The following CAV3 variants were observed in gnomAD, a reference collection of about 807,000 sequenced individuals.
CAV3 encodes the protein caveolin-3.
CAV3 carries 10 observed loss-of-function variants against 13.4 expected under a neutral mutation model. The observed-to-expected ratio is 0.75, with a 90% confidence interval of 0.46 to 1.27. The LOEUF is 1.27. Among genes scored for constraint, CAV3 ranks in the 50% most tolerant of loss-of-function variants. The pLI is 0.00. For synonymous variants in CAV3, 90 were observed against 79.0 expected, an observed-to-expected ratio of 1.14 and a Z score of -0.74; for missense variants, 162 against 194.0, an observed-to-expected ratio of 0.83 and a Z score of 0.98.
intron 1 of CAV3, among the ~76,000 whole-genome samples, chr3:8,744,428 G>A (rs763431657): frequency 1.0e-4 from 15 of 148,000 alleles, no homozygotes; most frequent in Admixed American, 5.4e-4. Flanking sequence ...ACAGACACCC[G>A]CTGCCATACC....
At chr3:8,735,959 T>C (rs1707737379) in intron 1 of CAV3, among the ~76,000 whole-genome samples, 1 of 152,250 alleles carries the variant, frequency 6.6e-6, no homozygotes, top group Non-Finnish European at 1.5e-5. Flanking sequence ...ATACTGGATA[T>C]TATATTTCTA....
At chr3:8,740,963 A>G (rs1707937825) in intron 1 of CAV3, among the ~76,000 whole-genome samples, 1 of 152,228 alleles carries the variant, frequency 6.6e-6, no homozygotes, top group South Asian at 2.1e-4. Flanking sequence ...TAACACATGT[A>G]AGATACATGG....
At chr3:8,737,709 G>A (rs1575468057) in intron 1 of CAV3, among the ~76,000 whole-genome samples, 1 of 152,228 alleles carries the variant, frequency 6.6e-6, no homozygotes, top group East Asian at 1.9e-4. Flanking sequence ...TTCAGCACAG[G>A]CAATGTGCTG....
intron 1 of CAV3, chr3:8,744,763 C>A (rs1708094705): frequency 6.6e-6 from 1 of 152,270 alleles, no homozygotes; most frequent in African/African-American, 2.4e-5. Context: ...CCGTCCAACA[C>A]CCTTCAGATC....
At chr3:8,734,643 G>A (rs768766600) in intron 1 of CAV3, among the ~76,000 whole-genome samples, 25 of 152,178 alleles carry the variant, frequency 1.6e-4, no homozygotes, top group Non-Finnish European at 2.9e-4. Context: ...CTCTTCCCTC[G>A]CCTCCTGGTG....
At chr3:8,738,643 A>C (rs553016501) in intron 1 of CAV3, among the ~76,000 whole-genome samples, 3 of 152,340 alleles carry the variant, frequency 2.0e-5, no homozygotes, top group African/African-American at 7.2e-5. Flanking sequence ...GCATCATAAA[A>C]ATGAGAAAAA....
intron 1 of CAV3, among the ~76,000 whole-genome samples, chr3:8,740,678 A>C: frequency 6.6e-6 from 1 of 152,222 alleles, no homozygotes; most frequent in Middle Eastern, 3.4e-3. Context: ...GTAGACCTGG[A>C]GCTGAAAAGA....
chr3:8,736,169 G>A (rs1001913211), intron 1 of CAV3, among the ~76,000 whole-genome samples: 14 of 152,176 alleles, frequency 9.2e-5, no homozygotes, highest in Non-Finnish European at 2.1e-4. Flanking sequence ...TAATAGACTT[G>A]ATTTCAAATC....
intron 1 of CAV3, among the ~76,000 whole-genome samples, chr3:8,737,659 C>A (rs528330767): frequency 2.6e-5 from 4 of 152,168 alleles, no homozygotes; most frequent in Non-Finnish European, 5.9e-5. Context: ...ACTTGCCCTC[C>A]TCACCAACAC....
In CAV3 at chr3:8,744,445, A is replaced by ATT. The variant is rs141816229; in HGVS notation, c.115-1058_115-1057dup. ...AGACACCCGCTGCCATACCCGGCTA[A>ATT]TTTTTTTTTTTTTTTTTTTTTTTTG... is the stretch of plus-strand genomic sequence containing the variant. On this transcript the variant is annotated intron_variant, in intron 1 of 1. Transcript: ENST00000343849. Among the ~76,000 whole-genome samples, 955 of 111,344 alleles carry ATT rather than the reference A, an allele frequency of 8.6e-3. 8 individuals carry two copies. Among genetic ancestry groups the ATT allele is most frequent in the African/African-American group, 0.032 (815 of 25,714 alleles). 73.0% of individuals were successfully genotyped at this position (111,344 alleles called of 152,430 possible).
chr3:8,745,821 G>C lies in CAV3; in HGVS notation c.410G>C (p.Gly137Ala), dbSNP rs1263071018. Residue 137 changes from glycine (G) to alanine (A), a missense_variant, in exon 2 of 2, where the codon GGC (glycine) becomes GCC (alanine). Physicochemically the swap from Gly to Ala is moderately conservative, Grantham distance 60. Coordinates refer to ENST00000343849, the MANE Select transcript of CAV3 (RefSeq NM_033337.3). The surrounding 1 kb of genome is among the most constrained non-coding windows in gnomAD (Gnocchi z 4.8). ...TFCNPLFAAL[G>A]QVCSSIKVVL... ...TGCAACCCACTCTTCGCGGCCCTGG[G>C]CCAGGTCTGCAGCAGCATCAAGGTG... is the stretch of plus-strand genomic sequence containing the variant. 6.2e-7 allele frequency: 1 copy of C among 1,613,566 alleles called. No individual in the cohort carries two copies. Among genetic ancestry groups the C allele is most frequent in the Non-Finnish European group, 8.5e-7 (1 of 1,180,042 alleles).
chr3:8,745,615 C>A lies in CAV3; in HGVS notation c.204C>A (p.Ser68=), dbSNP rs116840775. Residue 68 remains serine (S), a synonymous_variant, in exon 2 of 2, where the codon TCC becomes TCA. Coordinates refer to ENST00000343849, the MANE Select transcript of CAV3 (RefSeq NM_033337.3). The surrounding 1 kb of genome is among the most constrained non-coding windows in gnomAD (Gnocchi z 4.8). ...WKVSYTTFTV[S]KYWCYRLLST... ...TGAGCTACACCACCTTCACTGTCTC[C>A]AAGTACTGGTGCTACCGTCTGTTGT... is the stretch of plus-strand genomic sequence containing the variant. The A allele has an allele frequency of 1.1e-4, 185 of 1,614,134 alleles. No individual in the cohort carries two copies. The East Asian group carries it at 3.1e-3, about 27-fold the overall frequency.
intron 1 of CAV3, among the ~76,000 whole-genome samples, chr3:8,739,375 G>A (rs1472121134): frequency 2.0e-5 from 3 of 152,044 alleles, no homozygotes; most frequent in Non-Finnish European, 4.4e-5. Flanking sequence ...CATTTTAGGA[G>A]GCCAAGGCAG....
chr3:8,735,474 T>C (rs758592276), intron 1 of CAV3, among the ~76,000 whole-genome samples: 10 of 152,254 alleles, frequency 6.6e-5, no homozygotes, highest in Non-Finnish European at 1.3e-4. Context: ...ATGCCTGTAC[T>C]GTTTCAAACA....
At position 8,733,913 on chromosome 3, in the gene CAV3, A is replaced by G; in HGVS notation, c.37A>G (p.Ile13Val). The change falls in exon 1 of 2, where the codon ATC (isoleucine) becomes GTC (valine). Residue 13 changes from isoleucine (I) to valine (V), a missense_variant. By Grantham distance (29) the Ile-to-Val change is conservative. Coordinates refer to ENST00000343849, the MANE Select transcript of CAV3 (RefSeq NM_033337.3). ...AGAGCACACAGATCTCGAGGCCCAG[A>G]TCGTCAAGGATATCCACTGCAAGGA... Reference protein sequence around the residue: ...AEEHTDLEAQIVKDIHCKEID... With the variant: ...AEEHTDLEAQVVKDIHCKEID... 9 of 1,613,428 alleles carry G rather than the reference A, an allele frequency of 5.6e-6. No individual in the cohort carries two copies. Among genetic ancestry groups the G allele is most frequent in the Non-Finnish European group, 7.6e-6 (9 of 1,179,458 alleles).
Position 8,745,579 on chromosome 3 carries a change from C to T in CAV3, c.168C>T (p.Gly56=), listed in dbSNP as rs116840774. 77 of 1,613,966 alleles carry T rather than the reference C, an allele frequency of 4.8e-5. No individual in the cohort carries two copies. In the East Asian group the frequency reaches 9.8e-4, roughly 21 times the overall value. Residue 56 remains glycine (G), a synonymous_variant, in exon 2 of 2, where the codon GGC becomes GGT. Coordinates refer to ENST00000343849, the MANE Select transcript of CAV3 (RefSeq NM_033337.3). This position sits in a 1 kb window ranked among gnomAD's most constrained non-coding sequence, Gnocchi z 4.8. ...AEPVGTYSFD[G]VWKVSYTTFT... is the part of the protein sequence containing the mutation. The stretch of plus-strand genomic sequence containing the variant: ...CTGTGGGCACCTACAGCTTTGACGG[C>T]GTGTGGAAGGTGAGCTACACCACCT...
At chr3:8,738,762 TGTC>T (rs1180896309) in intron 1 of CAV3, among the ~76,000 whole-genome samples, 1 of 152,214 alleles carries the variant, frequency 6.6e-6, no homozygotes, top group African/African-American at 2.4e-5. Context: ...CGTAAGAGGC[TGTC>T]ATTACCACTG....
At chr3:8,742,346 G>A (rs887825910) in intron 1 of CAV3, 7 of 283,534 alleles carry the variant, frequency 2.5e-5, no homozygotes, top group African/African-American at 8.7e-5. Flanking sequence ...AGCACCAATG[G>A]CTTCTGCAAA....
rs80340058 is a variant in CAV3, at chr3:8,745,481, C to A, written c.115-45C>A. ...CGCACACACCCAAAAGCTTGAGAAG[C>A]GGGTGGCTTCTGTGAGTTGAGGCTT... On this transcript the variant is annotated intron_variant, in intron 1 of 1. Coordinates refer to ENST00000343849, the MANE Select transcript of CAV3 (RefSeq NM_033337.3). The surrounding 1 kb of genome is among the most constrained non-coding windows in gnomAD (Gnocchi z 4.8). 2.6e-6 allele frequency: 3 copies of A among 1,147,096 alleles called. No individual in the cohort carries two copies. Among genetic ancestry groups the A allele is most frequent in the Non-Finnish European group, 3.9e-6 (3 of 775,250 alleles). 71.1% of individuals were successfully genotyped at this position (1,147,096 alleles called of 1,614,324 possible). A position where few individuals can be genotyped will look rare whatever the true frequency, so the allele number is the denominator to read the frequency against.
Sources: allele counts gnomAD v4.1 joint callset (sites outside exome capture counted in the v4.1 genomes callset), GRCh38; gene constraint gnomAD v4.1.1; non-coding constraint Gnocchi (gnomAD v3.1); transcripts MANE v1.5; gene names NCBI Gene and HGNC (gene_info 2026-07-23, HGNC 2026-07-21).